The following CCT5 variants were observed in gnomAD, a reference collection of about 807,000 sequenced individuals.
The protein encoded by CCT5 is T-complex protein 1 subunit epsilon.
A neutral mutation model predicts 55.0 loss-of-function variants in CCT5; 6 were observed. The observed-to-expected ratio is 0.11, with a 90% confidence interval of 0.06 to 0.22. The LOEUF (loss-of-function observed/expected upper bound fraction) is 0.22. Among genes scored for constraint, CCT5 ranks in the 10% least tolerant of loss-of-function variants. CCT5 has a pLI of 1.00. For synonymous variants in CCT5, 231 were observed against 243.7 expected (o/e 0.95, Z 0.49); for missense variants, 560 against 694.6 (o/e 0.81, Z 2.18).
In CCT5 at chr5:10,250,617, G is replaced by T. The variant is rs1745338385; in HGVS notation, c.105+172G>T. On this transcript the variant is annotated intron_variant, in intron 1 of 10. Transcript: ENST00000280326. ...AGCCCGCTTACTGAGCTCGGGAGAC[G>T]CCGGCGCCTAATCCTGGGCTCGGAA... 13 of 1,437,268 alleles carry T rather than the reference G, an allele frequency of 9.0e-6. No individual in the cohort carries two copies. In the South Asian group the frequency reaches 1.9e-4, roughly 21 times the overall value. The allele number at this position is 1,437,268 out of a possible 1,614,324, so 89.0% of individuals were successfully genotyped here. A position where few individuals can be genotyped will look rare whatever the true frequency, so the allele number is the denominator to read the frequency against.
Position 10,250,928 on chromosome 5 carries a change from T to C in CCT5, c.105+483T>C, listed in dbSNP as rs76988799. 289 of 951,754 alleles carry C rather than the reference T, an allele frequency of 3.0e-4. 1 individual carries two copies. The African/African-American group carries it at 4.7e-3, about 16-fold the overall frequency. The allele number at this position is 951,754 out of a possible 1,614,324, so 59.0% of individuals were successfully genotyped here. On this transcript the variant is annotated intron_variant, in intron 1 of 10. Transcript: ENST00000280326. The stretch of plus-strand genomic sequence containing the variant: ...CTTAACAGGGTATTTCATTTCTGAG[T>C]GCTTTTTTGCCCACCCTTGAGGAAA...
In CCT5 at chr5:10,257,031, CAT is replaced by C. The variant is rs1745718702; in HGVS notation, c.530+880_530+881del. 3.3e-5 allele frequency among the ~76,000 whole-genome samples: 5 copies of C among 152,316 alleles called. 1 individual carries two copies. Among genetic ancestry groups the C allele is most frequent in the African/African-American group, 2.4e-5 (1 of 41,570 alleles). Reference sequence around the variant, plus strand: ...CTTAAGGTCTGTTGCCGTAATATAACATAAAAATCCAGTGTAAGCTGCTTTAT... The same window carrying C: ...CTTAAGGTCTGTTGCCGTAATATAACAAAAATCCAGTGTAAGCTGCTTTAT... On this transcript the variant is annotated intron_variant, in intron 4 of 10. Transcript: ENST00000280326.
chr5:10,250,318 G>A lies in CCT5; in HGVS notation c.-23G>A, dbSNP rs2548546. The A allele has an allele frequency of 0.82, 1,330,548 of 1,613,564 alleles. 555,986 individuals carry two copies. Among genetic ancestry groups the A allele is most frequent in the East Asian group, 0.89 (39,798 of 44,866 alleles). ...CGTAGCGGTCTCCGCCGGTTGGGGG[G>A]AAGTAATTCCGGTTGTTGCACCATG... On this transcript the variant is annotated 5_prime_UTR_variant, in exon 1 of 11. Coordinates refer to ENST00000280326, the MANE Select transcript of CCT5 (RefSeq NM_012073.5).
intron 4 of CCT5, among the ~76,000 whole-genome samples, chr5:10,256,894 C>T (rs1345123612): frequency 3.9e-5 from 6 of 152,184 alleles, no homozygotes; most frequent in Non-Finnish European, 8.8e-5. Context: ...GTGTAATGTC[C>T]GTTTGCCAGG....
chr5:10,250,170 G>C (rs1745292951), upstream of CCT5: 1 of 1,538,998 alleles, frequency 6.5e-7, no homozygotes, highest in Non-Finnish European at 8.7e-7. Flanking sequence ...GAAGGCCGCC[G>C]ATTCCAGAAG....
Position 10,250,445 on chromosome 5 carries a change from G to A in CCT5, c.105G>A (p.Lys35=). ...GTCTTATGGGACTTGAGGCCCTCAAGGTAATGGCACAGGGACCTGCTCGCG... is the reference window on the plus strand; with the variant it reads ...GTCTTATGGGACTTGAGGCCCTCAAAGTAATGGCACAGGGACCTGCTCGCG... ...KSRLMGLEAL[K]SHIMAAKAVA... Residue 35 remains lysine, a splice_region_variant and synonymous_variant, in exon 1 of 11, where the codon AAG becomes AAA. Transcript: ENST00000280326. The A allele has an allele frequency of 6.2e-7, 1 of 1,613,166 alleles. No individual in the cohort carries two copies. Among genetic ancestry groups the A allele is most frequent in the Non-Finnish European group, 8.5e-7 (1 of 1,180,016 alleles).
At chr5:10,251,242 T>C (rs746032777) in intron 1 of CCT5, among the ~76,000 whole-genome samples, 5 of 152,142 alleles carry the variant, frequency 3.3e-5, no homozygotes, top group Non-Finnish European at 7.3e-5. Context: ...ACATGGAAAA[T>C]ACGACGTTAT....
In CCT5 at chr5:10,261,215, C is replaced by T. The variant is rs191279859; in HGVS notation, c.993+304C>T. ...AAATACTAATGGCAGTCCCAGGCAA[C>T]GGTGCCTCGGTGGTTCTCACTGCAG... On this transcript the variant is annotated intron_variant, in intron 7 of 10. Transcript: ENST00000280326. 816 of 489,950 alleles carry T rather than the reference C, an allele frequency of 1.7e-3. 4 individuals are homozygous for T. Among genetic ancestry groups the T allele is most frequent in the Non-Finnish European group, 2.4e-3 (646 of 268,942 alleles). 30.4% of individuals were successfully genotyped at this position (489,950 alleles called of 1,614,324 possible). A position where few individuals can be genotyped will look rare whatever the true frequency, so the allele number is the denominator to read the frequency against.
chr5:10,255,118 G>A (rs150421046), intron 3 of CCT5: 20 of 437,094 alleles, frequency 4.6e-5, no homozygotes, highest in African/African-American at 1.2e-4. Flanking sequence ...TTTGGGAAAC[G>A]TGGAAGAATT....
At chr5:10,255,603 C>CCT (rs3070504) in intron 3 of CCT5, among the ~76,000 whole-genome samples, 3 of 151,432 alleles carry the variant, frequency 2.0e-5, no homozygotes, top group African/African-American at 7.3e-5. Context: ...ATAATAAACA[C>CCT]GTTTTAGTCT....
At position 10,264,636 on chromosome 5, in the gene CCT5, A is replaced by G. The variant is rs746431065; in HGVS notation, c.1499-20A>G. 23 of 1,483,916 alleles carry G rather than the reference A, an allele frequency of 1.5e-5. No individual in the cohort carries two copies. The East Asian group carries it at 5.2e-4, about 34-fold the overall frequency. The allele number at this position is 1,483,916 out of a possible 1,614,324, so 91.9% of individuals were successfully genotyped here. A position where few individuals can be genotyped will look rare whatever the true frequency, so the allele number is the denominator to read the frequency against. The stretch of plus-strand genomic sequence containing the variant: ...TATTGTATGCTATTTTAGGATAATC[A>G]GTGTCCTTGTATTTTTCAGATATGA... On this transcript the variant is annotated intron_variant, in intron 10 of 10. Transcript: ENST00000280326.
At chr5:10,256,883 C>T (rs1040574054) in intron 4 of CCT5, among the ~76,000 whole-genome samples, 2 of 152,098 alleles carry the variant, frequency 1.3e-5, no homozygotes, top group African/African-American at 4.8e-5. Context: ...TTTCAGCGTT[C>T]GTGTAATGTC....
intron 4 of CCT5, among the ~76,000 whole-genome samples, chr5:10,257,593 A>G (rs1029600324): frequency 1.4e-4 from 22 of 152,210 alleles, no homozygotes; most frequent in African/African-American, 5.3e-4. Context: ...AAGCTTTCAA[A>G]AAGGTAACAC....
At chr5:10,259,133 C>G (rs762550500) in intron 6 of CCT5, among the ~76,000 whole-genome samples, 2 of 152,158 alleles carry the variant, frequency 1.3e-5, no homozygotes, top group Non-Finnish European at 2.9e-5. Flanking sequence ...CTGACTATAC[C>G]TTTTAGGCAA....
At chr5:10,260,944 G>A (rs767952671) in intron 7 of CCT5, 33 bp downstream of exon 7, 1 of 1,612,350 alleles carries the variant, frequency 6.2e-7, no homozygotes, top group South Asian at 1.1e-5. Flanking sequence ...ACTTTGAGAA[G>A]TAGGGGTTCA....
In CCT5 at chr5:10,252,614, C is replaced by CAAA. The variant is rs35768596; in HGVS notation, c.106-1516_106-1514dup. Among the ~76,000 whole-genome samples the CAAA allele has an allele frequency of 6.5e-4, 78 of 119,864 alleles. 2 individuals are homozygous for CAAA. Among genetic ancestry groups the CAAA allele is most frequent in the African/African-American group, 2.2e-3 (65 of 29,448 alleles). The allele number at this position is 119,864 out of a possible 152,430, so 78.6% of individuals were successfully genotyped here. A position where few individuals can be genotyped will look rare whatever the true frequency, so the allele number is the denominator to read the frequency against. On this transcript the variant is annotated intron_variant, in intron 1 of 10. Transcript: ENST00000280326. Reference sequence around the variant, plus strand: ...TGGGTGACAGAGTGAGACTCCGTCTCAAAAAAAAAAAAAAAAAGGTGCAGG... The same window carrying CAAA: ...TGGGTGACAGAGTGAGACTCCGTCTCAAAAAAAAAAAAAAAAAAAAGGTGCAGG...
At position 10,250,318 on chromosome 5, in the gene CCT5, G is replaced by T. The variant is rs2548546; in HGVS notation, c.-23G>T. 8.1e-6 allele frequency: 13 copies of T among 1,613,594 alleles called. No homozygotes were observed. The highest frequency in any genetic ancestry group is 1.0e-5 in the Non-Finnish European group (12 of 1,179,968). On this transcript the variant is annotated 5_prime_UTR_variant, in exon 1 of 11. Transcript: ENST00000280326. The stretch of plus-strand genomic sequence containing the variant: ...CGTAGCGGTCTCCGCCGGTTGGGGG[G>T]AAGTAATTCCGGTTGTTGCACCATG...
intron 6 of CCT5, 85 bp from the exon 7 acceptor site, chr5:10,260,707 A>G (rs1191567739): frequency 1.4e-6 from 2 of 1,480,686 alleles, no homozygotes; most frequent in Non-Finnish European, 1.9e-6. Flanking sequence ...CTTACACCCA[A>G]CTGTGCCTCT....
intron 1 of CCT5, 57 bp from the exon 2 acceptor site, chr5:10,254,088 C>T: frequency 1.1e-5 from 13 of 1,158,436 alleles, no homozygotes; most frequent in Non-Finnish European, 1.7e-5. Flanking sequence ...CAGATGTGTG[C>T]TTTTAACCAT....
Sources: allele counts gnomAD v4.1 joint callset (sites outside exome capture counted in the v4.1 genomes callset), GRCh38; gene constraint gnomAD v4.1.1; transcripts MANE v1.5; gene names NCBI Gene and HGNC (gene_info 2026-07-23, HGNC 2026-07-21).